Variants in ANKRD26 observed in about 807,000 individuals in gnomAD.
ANKRD26 encodes the protein ankyrin repeat domain-containing protein 26.
A neutral mutation model predicts 208.7 loss-of-function variants in ANKRD26; 141 were observed. The observed-to-expected ratio is 0.68, with a 90% confidence interval of 0.59 to 0.78. The LOEUF is 0.78. Among genes scored for constraint, ANKRD26 ranks in the 30% least tolerant of loss-of-function variants. The probability of loss-of-function intolerance (pLI) is 0.00; values close to 1 mark genes in which losing one functional copy is unlikely to be tolerated. For synonymous variants in ANKRD26, 636 were observed against 660.4 expected (o/e 0.96, Z 0.57); for missense variants, 1,889 against 1,938.7 (o/e 0.97, Z 0.48).
intron 32 of ANKRD26, 58 bp from the exon 33 acceptor site, chr10:27,007,020 G>A: frequency 7.8e-7 from 1 of 1,283,190 alleles, no homozygotes; most frequent in Admixed American, 1.7e-5. Context: ...CATTAACATA[G>A]AAATGATGTA....
rs186423306 is a variant in ANKRD26 at position 27,034,922 on chromosome 10, T to C, written c.3528A>G (p.Gln1176=). Residue 1176 remains glutamine (Q), a synonymous_variant, in exon 24 of 34, where the codon CAA becomes CAG. Transcript: ENST00000376087. ...NIQDQFHAIV[Q]KLQAESEKQS... is the part of the protein sequence containing the mutation. Reference sequence around the variant, plus strand: ...GCTTTTCACTCTCAGCTTGAAGTTTTTGCACAATAGCATGAAACTGGTCTT... The same window carrying C: ...GCTTTTCACTCTCAGCTTGAAGTTTCTGCACAATAGCATGAAACTGGTCTT... The C allele has an allele frequency of 2.8e-5, 46 of 1,614,058 alleles. No individual in the cohort carries two copies. Among genetic ancestry groups the C allele is most frequent in the Non-Finnish European group, 3.6e-5 (42 of 1,179,944 alleles).
chr10:27,099,779 T>G (rs1041977538), intron 1 of ANKRD26, among the ~76,000 whole-genome samples: 2 of 152,258 alleles, frequency 1.3e-5, no homozygotes, highest in African/African-American at 4.8e-5. Flanking sequence ...TATGACATTG[T>G]ATCTTAAATG....
intron 16 of ANKRD26, among the ~76,000 whole-genome samples, chr10:27,049,447 C>T (rs1440847458): frequency 2.6e-5 from 4 of 152,076 alleles, no homozygotes; most frequent in Non-Finnish European, 5.9e-5. Flanking sequence ...TATTCTTTTC[C>T]CCAGTGTCTT....
At chr10:27,099,493 C>T (rs775451131) in intron 1 of ANKRD26, among the ~76,000 whole-genome samples, 1 of 151,286 alleles carries the variant, frequency 6.6e-6, no homozygotes, top group Admixed American at 6.6e-5. Flanking sequence ...TACCTCACTG[C>T]AGCCTAGAAC....
At chr10:27,023,953 TA>T (rs1395300832) in intron 28 of ANKRD26, among the ~76,000 whole-genome samples, 1 of 145,352 alleles carries the variant, frequency 6.9e-6, no homozygotes, top group Non-Finnish European at 1.5e-5. Context: ...GGGAAATGAG[TA>T]AATTTTCATG....
At chr10:26,968,351 T>C in the ANKRD26 span, among the ~76,000 whole-genome samples, 2 of 152,348 alleles carry the variant, frequency 1.3e-5, no homozygotes, top group East Asian at 3.9e-4. Flanking sequence ...TGATGTTACT[T>C]CTTCCTGTGC....
At chr10:27,089,713 G>A (rs768389988) in intron 4 of ANKRD26, among the ~76,000 whole-genome samples, 1 of 152,174 alleles carries the variant, frequency 6.6e-6, no homozygotes, top group Non-Finnish European at 1.5e-5. Flanking sequence ...AATCTCCTTA[G>A]CCCACGGCTT....
At chr10:27,045,471 C>T (rs1017775424) in intron 18 of ANKRD26, among the ~76,000 whole-genome samples, 1 of 151,110 alleles carries the variant, frequency 6.6e-6, no homozygotes, top group Non-Finnish European at 1.5e-5. Flanking sequence ...GTCAATGACA[C>T]TATTAGCATA....
intron 4 of ANKRD26, among the ~76,000 whole-genome samples, chr10:26,982,642 A>G (rs1300034324): frequency 6.6e-6 from 1 of 152,082 alleles, no homozygotes; most frequent in East Asian, 1.9e-4. Context: ...AAGAAAAACA[A>G]TATGTATGTG....
chr10:27,044,831 G>A (rs1444826306), intron 18 of ANKRD26, among the ~76,000 whole-genome samples: 1 of 152,158 alleles, frequency 6.6e-6, no homozygotes, highest in Non-Finnish European at 1.5e-5. Flanking sequence ...GTCAGTAGCA[G>A]ACCCAAAATT....
the ANKRD26 span, among the ~76,000 whole-genome samples, chr10:26,949,490 T>C: frequency 6.6e-6 from 1 of 151,724 alleles, no homozygotes; most frequent in African/African-American, 2.4e-5. Flanking sequence ...CTTATAGTTA[T>C]ATTAATTAAT....
chr10:26,955,452 T>C, the ANKRD26 span, among the ~76,000 whole-genome samples: 1 of 151,922 alleles, frequency 6.6e-6, no homozygotes, highest in Non-Finnish European at 1.5e-5. Context: ...TATATATATG[T>C]GTGTATGTAT....
In ANKRD26 at chr10:27,092,401, T is replaced by C. The variant is rs766356176; in HGVS notation, c.638+5A>G. The C allele has an allele frequency of 1.9e-6, 3 of 1,594,898 alleles. No individual in the cohort carries two copies. Among genetic ancestry groups the C allele is most frequent in the South Asian group, 1.1e-5 (1 of 90,558 alleles). ...AAAAATCCAAAACAAAACCAGCTAC[T>C]GTACCTTTCCAACTTATCTACTGCA... On this transcript the variant is annotated splice_donor_5th_base_variant and intron_variant, in intron 4 of 33. Transcript: ENST00000376087.
downstream of ANKRD26, among the ~76,000 whole-genome samples, chr10:26,999,462 A>G (rs950694097): frequency 1.3e-5 from 2 of 152,166 alleles, no homozygotes; most frequent in Non-Finnish European, 2.9e-5. Context: ...CTAGCTTTCC[A>G]GGGCAATTAC....
At chr10:26,959,994 A>G in the ANKRD26 span, among the ~76,000 whole-genome samples, 1 of 152,132 alleles carries the variant, frequency 6.6e-6, no homozygotes, top group Non-Finnish European at 1.5e-5. Context: ...CCTCGTCTCT[A>G]CAAAATGAAA....
At chr10:27,092,793 AGCTTCTAG>A (rs1248236773) in intron 3 of ANKRD26, among the ~76,000 whole-genome samples, 3 of 152,140 alleles carry the variant, frequency 2.0e-5, no homozygotes, top group Non-Finnish European at 4.4e-5. Context: ...CAAAACCAAG[AGCTTCTAG>A]GCTGAGCACA....
At chr10:27,010,000 A>C (rs999073235) in intron 32 of ANKRD26, among the ~76,000 whole-genome samples, 1 of 152,230 alleles carries the variant, frequency 6.6e-6, no homozygotes, top group Admixed American at 6.5e-5. Flanking sequence ...TCCCACAGAA[A>C]TCTAAGGTTC....
At chr10:26,973,059 G>C (rs2052173759), downstream of ANKRD26, among the ~76,000 whole-genome samples, 1 of 152,106 alleles carries the variant, frequency 6.6e-6, no homozygotes, top group African/African-American at 2.4e-5. Flanking sequence ...TGCTTGTCAA[G>C]AATGTGTAGC....
chr10:27,056,955 G>C (rs1355260180), intron 15 of ANKRD26, among the ~76,000 whole-genome samples: 1 of 152,128 alleles, frequency 6.6e-6, no homozygotes. Flanking sequence ...AGCTCCAATA[G>C]TAATCTTTCC....
Sources: gnomAD v4.1 joint callset for allele counts (sites outside exome capture counted in the v4.1 genomes callset) on GRCh38, gnomAD v4.1.1 for gene constraint, MANE v1.5 for transcripts, NCBI Gene and HGNC (gene_info 2026-07-23, HGNC 2026-07-21) for gene names.